The following SLC25A31 variants were observed in gnomAD, a reference collection of about 807,000 sequenced individuals.
SLC25A31 encodes ADP/ATP translocase 4.
Under a neutral mutation model 36.2 loss-of-function variants are expected in SLC25A31, and 40 were observed. The ratio of observed to expected loss-of-function variants is 1.10; its 90% CI spans 0.86 to 1.44. The LOEUF (loss-of-function observed/expected upper bound fraction) is 1.44. Ranked by LOEUF, SLC25A31 falls within the 40% of genes most tolerant of loss-of-function variation. The pLI is 0.00. For synonymous variants in SLC25A31, 143 were observed against 149.7 expected (o/e 0.96, Z 0.32); for missense variants, 350 against 397.1 (o/e 0.88, Z 1.01).
intron 5 of SLC25A31, among the ~76,000 whole-genome samples, chr4:127,769,174 G>A (rs1163718633): frequency 6.6e-6 from 1 of 152,058 alleles, no homozygotes; most frequent in Non-Finnish European, 1.5e-5. Context: ...TATCTTAACT[G>A]AAATATTAGA....
chr4:127,771,701 C>T (rs539536787), intron 5 of SLC25A31, among the ~76,000 whole-genome samples: 11 of 152,232 alleles, frequency 7.2e-5, no homozygotes, highest in Admixed American at 3.9e-4. Context: ...CAGAAAATGA[C>T]GTCAGTGTTA....
chr4:127,731,823 A>G (rs1221690796), intron 1 of SLC25A31, among the ~76,000 whole-genome samples: 1 of 152,172 alleles, frequency 6.6e-6, no homozygotes, highest in Non-Finnish European at 1.5e-5. Context: ...AAAACTTTAA[A>G]CTATTTTAAT....
chr4:127,770,362 C>G (rs1485440534), intron 5 of SLC25A31, among the ~76,000 whole-genome samples: 2 of 152,312 alleles, frequency 1.3e-5, no homozygotes, highest in East Asian at 3.9e-4. Flanking sequence ...CACTGTGGCT[C>G]ACGCCTGTAA....
chr4:127,744,260 A>G (rs747773133), intron 1 of SLC25A31, among the ~76,000 whole-genome samples: 32 of 152,218 alleles, frequency 2.1e-4, no homozygotes, highest in African/African-American at 6.5e-4. Context: ...TCTCATAAGT[A>G]TGTGTACAAA....
chr4:127,735,139 C>G (rs528288311), intron 1 of SLC25A31, among the ~76,000 whole-genome samples: 1 of 152,262 alleles, frequency 6.6e-6, no homozygotes, highest in South Asian at 2.1e-4. Context: ...GCCATTTACT[C>G]CAAGAAATGG....
chr4:127,771,199 C>G (rs1732352938), intron 5 of SLC25A31, among the ~76,000 whole-genome samples: 1 of 152,000 alleles, frequency 6.6e-6, no homozygotes, highest in South Asian at 2.1e-4. Context: ...TCAGGCAATC[C>G]ACCCACCACA....
At chr4:127,736,797 G>A (rs1731641106) in intron 1 of SLC25A31, among the ~76,000 whole-genome samples, 1 of 152,184 alleles carries the variant, frequency 6.6e-6, no homozygotes, top group Non-Finnish European at 1.5e-5. Context: ...TCAAGTAATT[G>A]TTACTAATGT....
chr4:127,754,998 A>G (rs1420312157), intron 2 of SLC25A31, among the ~76,000 whole-genome samples: 2 of 152,312 alleles, frequency 1.3e-5, no homozygotes, highest in Admixed American at 6.5e-5. Flanking sequence ...TCACATATCT[A>G]TGGTCAGTTG....
intron 1 of SLC25A31, among the ~76,000 whole-genome samples, chr4:127,735,227 T>C (rs1731601832): frequency 6.6e-6 from 1 of 152,212 alleles, no homozygotes; most frequent in Admixed American, 6.5e-5. Flanking sequence ...AGAAGACTAT[T>C]TGAAATATAG....
At chr4:127,740,278 C>T (rs563902302) in intron 1 of SLC25A31, among the ~76,000 whole-genome samples, 14 of 151,774 alleles carry the variant, frequency 9.2e-5, no homozygotes, top group Admixed American at 2.0e-4. Flanking sequence ...TTTCTCTTTC[C>T]CCCTCCTCCC....
At position 127,773,638 on chromosome 4, in the gene SLC25A31, C is replaced by T. The variant is rs1732412142; in HGVS notation, c.*64C>T. On this transcript the variant is annotated 3_prime_UTR_variant, in exon 6 of 6. Transcript: ENST00000281154. ...TTAAACATACAAATTACATAGCTGC[C>T]ATTTGCATACATTTTGATAGTGTTA... The T allele has an allele frequency of 8.0e-7, 1 of 1,257,636 alleles. No individual in the cohort carries two copies. The highest frequency in any genetic ancestry group is 1.5e-5 in the African/African-American group (1 of 66,096). The allele number at this position is 1,257,636 out of a possible 1,614,324, so 77.9% of individuals were successfully genotyped here.
At chr4:127,766,148 ATTTGTTTTTTTTTTTG>A (rs1377665260) in intron 3 of SLC25A31, among the ~76,000 whole-genome samples, 1 of 90,600 alleles carries the variant, frequency 1.1e-5, no homozygotes, top group African/African-American at 4.4e-5. Context: ...GAGTTTTTTT[ATTTGTTTTTTTTTTTG>A]TTTTTTGTTT....
intron 2 of SLC25A31, among the ~76,000 whole-genome samples, chr4:127,759,893 C>T (rs1732096184): frequency 6.6e-6 from 1 of 152,052 alleles, no homozygotes; most frequent in Non-Finnish European, 1.5e-5. Context: ...GTAGAAAAAG[C>T]CAATCTCAAA....
At chr4:127,766,202 C>G (rs1034488112) in intron 3 of SLC25A31, among the ~76,000 whole-genome samples, 5 of 146,918 alleles carry the variant, frequency 3.4e-5, no homozygotes, top group African/African-American at 1.3e-4. Flanking sequence ...CAGTCTTTCT[C>G]TGTCACCCAG....
Position 127,744,808 on chromosome 4 carries a change from AT to A in SLC25A31, c.360+19del, listed in dbSNP as rs531596560. Reference sequence around the variant, plus strand: ...TTAATAAAGAAAAACAGGTAATTATATTTTTTTTTTACTTTTTTCTTCCAAT... The same window carrying A: ...TTAATAAAGAAAAACAGGTAATTATATTTTTTTTTACTTTTTTCTTCCAAT... On this transcript the variant is annotated intron_variant, in intron 2 of 5. Coordinates refer to ENST00000281154, the MANE Select transcript of SLC25A31 (RefSeq NM_031291.4). 3.6e-3 allele frequency: 4,462 copies of A among 1,223,502 alleles called. No individual in the cohort carries two copies. The highest frequency in any genetic ancestry group is 5.7e-3 in the South Asian group (325 of 57,252). 75.8% of individuals were successfully genotyped at this position (1,223,502 alleles called of 1,614,324 possible).
At chr4:127,735,896 A>ATTTTTTTT (rs70966054) in intron 1 of SLC25A31, among the ~76,000 whole-genome samples, 2 of 74,640 alleles carry the variant, frequency 2.7e-5, no homozygotes, top group Non-Finnish European at 5.2e-5. Flanking sequence ...TTATTTATTT[A>ATTTTTTTT]TTTTTTTTTT....
chr4:127,772,703 G>T (rs1732385849), intron 5 of SLC25A31, among the ~76,000 whole-genome samples: 1 of 151,226 alleles, frequency 6.6e-6, no homozygotes, highest in East Asian at 1.9e-4. Context: ...TAGGTAAGAG[G>T]TTTTGTAATT....
At chr4:127,759,800 A>T (rs1732094656) in intron 2 of SLC25A31, among the ~76,000 whole-genome samples, 1 of 152,208 alleles carries the variant, frequency 6.6e-6, no homozygotes, top group African/African-American at 2.4e-5. Flanking sequence ...TAAAATAGTT[A>T]AAATGGTAAA....
At chr4:127,770,105 ACTAACC>A (rs1210120727) in intron 5 of SLC25A31, among the ~76,000 whole-genome samples, 1 of 152,224 alleles carries the variant, frequency 6.6e-6, no homozygotes, top group East Asian at 1.9e-4. Flanking sequence ...GCAGATTAAA[ACTAACC>A]CGTTACTTCA....
Sources: allele counts gnomAD v4.1 joint callset (sites outside exome capture counted in the v4.1 genomes callset), GRCh38; gene constraint gnomAD v4.1.1; transcripts MANE v1.5; gene names NCBI Gene and HGNC (gene_info 2026-07-23, HGNC 2026-07-21).